BIRC6: variants seen among roughly 807,000 people sequenced by gnomAD.
BIRC6 encodes dual E2 ubiquitin-conjugating enzyme/E3 ubiquitin-protein ligase BIRC6.
In BIRC6, 98 loss-of-function variants were observed where a neutral mutation model predicts 503.3. That is an observed-to-expected ratio of 0.19 (90% confidence interval 0.17 to 0.23). BIRC6 has a LOEUF of 0.23. BIRC6 is among the 10% of genes least tolerant of loss of function. The pLI is 1.00. For synonymous variants in BIRC6, 2,240 were observed against 2,078.7 expected (o/e 1.08, Z -2.11); for missense variants, 5,360 against 5,806.0 (o/e 0.92, Z 2.50).
intron 1 of BIRC6, among the ~76,000 whole-genome samples, chr2:32,362,318 G>GTTTT (rs766604562): frequency 1.5e-5 from 2 of 137,484 alleles, no homozygotes; most frequent in African/African-American, 2.7e-5. Flanking sequence ...TGCTGACTTT[G>GTTTT]TTTTTTTTTT....
chr2:32,489,380 A>C (rs1164306114), intron 42 of BIRC6, among the ~76,000 whole-genome samples: 2 of 152,068 alleles, frequency 1.3e-5, no homozygotes, highest in African/African-American at 2.4e-5. Context: ...GCACTGTCTC[A>C]GCACCAGCCA....
chr2:32,493,927 T>C (rs1027903220), intron 45 of BIRC6, among the ~76,000 whole-genome samples: 1 of 152,192 alleles, frequency 6.6e-6, no homozygotes, highest in Non-Finnish European at 1.5e-5. Context: ...TTTTATAGAT[T>C]AGTTATTATA....
chr2:32,584,993 A>G (rs1559106952), intron 66 of BIRC6, among the ~76,000 whole-genome samples: 1 of 152,302 alleles, frequency 6.6e-6, no homozygotes, highest in South Asian at 2.1e-4. Context: ...CATTAATTCT[A>G]TCCCCAAAGC....
intron 72 of BIRC6, among the ~76,000 whole-genome samples, chr2:32,609,749 C>CA (rs11336710): frequency 0.019 from 2,229 of 115,444 alleles, 40 homozygotes; most frequent in African/African-American, 0.064. Flanking sequence ...GACTCTGTCT[C>CA]AAAAAAAAAA....
intron 66 of BIRC6, among the ~76,000 whole-genome samples, chr2:32,586,008 C>T (rs765900962): frequency 2.0e-5 from 3 of 152,078 alleles, no homozygotes; most frequent in Non-Finnish European, 4.4e-5. Flanking sequence ...TGAGATTTAG[C>T]TTCTAAGCCT....
intron 10 of BIRC6, 60 bp downstream of exon 10, chr2:32,416,223 A>T: frequency 6.8e-7 from 1 of 1,461,662 alleles, no homozygotes; most frequent in Admixed American, 2.3e-5. Flanking sequence ...GCATTTGTTT[A>T]TGTGCAAACC....
At chr2:32,489,250 C>T (rs1445450696) in intron 42 of BIRC6, among the ~76,000 whole-genome samples, 1 of 151,950 alleles carries the variant, frequency 6.6e-6, no homozygotes, top group African/African-American at 2.4e-5. Flanking sequence ...AAATGAGAAT[C>T]TGTTCCTGAT....
chr2:32,451,174 T>C (rs1420294719), intron 22 of BIRC6, among the ~76,000 whole-genome samples: 1 of 152,246 alleles, frequency 6.6e-6, no homozygotes, highest in Admixed American at 6.5e-5. Flanking sequence ...TTACTTTACC[T>C]TTCTCCTTAG....
Position 32,488,653 on chromosome 2 carries a change from A to C in BIRC6, c.8034A>C (p.Glu2678Asp). Residue 2678 changes from glutamate (E) to aspartate (D), a missense_variant, in exon 42 of 74, where the codon GAA (glutamate) becomes GAC (aspartate). Physicochemically the swap from Glu to Asp is conservative, Grantham distance 45. Around this residue, in one of 16 missense-constraint regions of BIRC6, gnomAD observed 2,299 missense variants for 2,267.2 expected, o/e 1.01. Coordinates refer to ENST00000421745, the MANE Select transcript of BIRC6 (RefSeq NM_016252.4). ...ATTCTAGTTCAACTGGAAACAAAGA[A>C]AATGGAGCAGACATATTTTTATATA... ...SLNSSSTGNK[E>D]NGADIFLYNA... 1 of 1,506,218 alleles carries C rather than the reference A, an allele frequency of 6.6e-7. No homozygotes were observed. The highest frequency in any genetic ancestry group is 9.0e-7 in the Non-Finnish European group (1 of 1,109,296). The allele number at this position is 1,506,218 out of a possible 1,614,324, so 93.3% of individuals were successfully genotyped here.
intron 1 of BIRC6, among the ~76,000 whole-genome samples, chr2:32,366,051 A>G (rs2034883021): frequency 6.6e-6 from 1 of 151,382 alleles, no homozygotes; most frequent in Admixed American, 6.6e-5. Flanking sequence ...TGCCCAGGTA[A>G]TTTTCGTCTT....
At chr2:32,542,742 A>T (rs753346197) in intron 61 of BIRC6, among the ~76,000 whole-genome samples, 6 of 152,218 alleles carry the variant, frequency 3.9e-5, no homozygotes, top group Non-Finnish European at 8.8e-5. Context: ...TAATGTAGAG[A>T]CACTTGGCAG....
chr2:32,467,879 T>C (rs1238354222), intron 27 of BIRC6, 24 bp from the exon 28 acceptor site: 1 of 1,566,382 alleles, frequency 6.4e-7, no homozygotes, highest in South Asian at 1.1e-5. Context: ...TGTATATATG[T>C]ATATTTATAA....
intron 6 of BIRC6, among the ~76,000 whole-genome samples, chr2:32,399,226 C>T (rs2040327956): frequency 6.6e-6 from 1 of 152,066 alleles, no homozygotes; most frequent in Non-Finnish European, 1.5e-5. Context: ...GCTGGGACTA[C>T]AGGTGTGCGC....
Position 32,464,820 on chromosome 2 carries a change from A to C in BIRC6, c.5253A>C (p.Arg1751Ser). The C allele has an allele frequency of 6.2e-7, 1 of 1,602,844 alleles. No individual in the cohort carries two copies. Among genetic ancestry groups the C allele is most frequent in the Non-Finnish European group, 8.5e-7 (1 of 1,173,186 alleles). The stretch of plus-strand genomic sequence containing the variant: ...ATAACAAAAATTCCAACAAGTCCAG[A>C]ATGGTAAATTATGTTTTAAATAGGT... ...AAHNKNSNKSRMNPLGSGLAL... is the reference protein window; with the variant it reads ...AAHNKNSNKSSMNPLGSGLAL... Residue 1751 changes from arginine to serine, a missense_variant, in exon 25 of 74, where the codon AGA (arginine) becomes AGC (serine). Arg to Ser is a moderately radical substitution (Grantham distance 110, BLOSUM62 -1). This residue lies in a region of BIRC6 where 2,299 missense variants were observed against 2,267.2 expected (regional missense o/e 1.01). Transcript: ENST00000421745.
chr2:32,553,197 CAAAAAAAAAAAAAAAAAAAAAAA>C lies in BIRC6; in HGVS notation c.13144+3731_13144+3753del, dbSNP rs763552918. ...GGGTGACAAGAGTGAAACTCTGTCTCAAAAAAAAAAAAAAAAAAAAAAAAAAAAAAAAAAAAAGATAAATTCCT... is the reference window on the plus strand; with the variant it reads ...GGGTGACAAGAGTGAAACTCTGTCTCAAAAAAAAAAAAAAGATAAATTCCT... On this transcript the variant is annotated intron_variant, in intron 65 of 73. Transcript: ENST00000421745. Among the ~76,000 whole-genome samples the C allele has an allele frequency of 2.0e-4, 7 of 34,936 alleles. No homozygotes were observed. The Admixed American group carries it at 2.1e-3, about 11-fold the overall frequency. The allele number at this position is 34,936 out of a possible 152,430, so 22.9% of individuals were successfully genotyped here.
Position 32,532,645 on chromosome 2 carries a change from A to C in BIRC6, c.12291+1094A>C, listed in dbSNP as rs143266449. On this transcript the variant is annotated intron_variant, in intron 61 of 73. Coordinates refer to ENST00000421745, the MANE Select transcript of BIRC6 (RefSeq NM_016252.4). ...ACATATCTTGGGAGGACAAAATGCA[A>C]CACACAATAATACTTATTCATGTTA... is the stretch of plus-strand genomic sequence containing the variant. 2.3e-3 allele frequency among the ~76,000 whole-genome samples: 351 copies of C among 152,290 alleles called. 1 individual carries two copies. The highest frequency in any genetic ancestry group is 0.013 in the Admixed American group (206 of 15,286).
At chr2:32,367,584 G>A (rs759644520) in intron 1 of BIRC6, among the ~76,000 whole-genome samples, 1 of 152,120 alleles carries the variant, frequency 6.6e-6, no homozygotes, top group Admixed American at 6.6e-5. Context: ...CACTTGTGGG[G>A]CCAGGACAGG....
Position 32,482,407 on chromosome 2 carries a change from G to GT in BIRC6, c.7543-14dup, listed in dbSNP as rs763499904. On this transcript the variant is annotated intron_variant, in intron 38 of 73. Coordinates refer to ENST00000421745, the MANE Select transcript of BIRC6 (RefSeq NM_016252.4). ...AGCCAAGAGGCAAAAATAAACCACAGTTTTTTTTCCATTCTTTTAAGCCAA... is the reference window on the plus strand; with the variant it reads ...AGCCAAGAGGCAAAAATAAACCACAGTTTTTTTTTCCATTCTTTTAAGCCAA... The GT allele has an allele frequency of 5.9e-5, 95 of 1,602,896 alleles. No homozygotes were observed. In the East Asian group the frequency reaches 7.4e-4, roughly 12 times the overall value.
intron 66 of BIRC6, among the ~76,000 whole-genome samples, chr2:32,591,444 A>T (rs1238305778): frequency 6.6e-6 from 1 of 152,118 alleles, no homozygotes; most frequent in Non-Finnish European, 1.5e-5. Flanking sequence ...TTAAAAGTGG[A>T]TTTAGGAAAT....
Sources: gnomAD v4.1 joint callset for allele counts (sites outside exome capture counted in the v4.1 genomes callset) on GRCh38, gnomAD v4.1.1 for gene constraint, gnomAD v4.1.1 regional missense constraint, MANE v1.5 for transcripts, NCBI Gene and HGNC (gene_info 2026-07-23, HGNC 2026-07-21) for gene names.